The following ARHGAP26 variants were observed in gnomAD, a reference collection of about 807,000 sequenced individuals.
ARHGAP26 encodes rho GTPase-activating protein 26.
ARHGAP26 carries 38 observed loss-of-function variants against 104.8 expected under a neutral mutation model. That is an observed-to-expected ratio of 0.36 (90% CI 0.28 to 0.48). ARHGAP26 has a LOEUF of 0.48. Ranked by LOEUF, ARHGAP26 falls within the 20% of genes least tolerant of loss-of-function variation. The probability of loss-of-function intolerance (pLI) is 0.99; values close to 1 mark genes in which losing one functional copy is unlikely to be tolerated. For missense variants in ARHGAP26, 704 were observed against 947.9 expected, an observed-to-expected ratio of 0.74 and a Z score of 3.38; for synonymous variants, 341 against 340.0, an observed-to-expected ratio of 1.00 and a Z score of -0.03.
chr5:142,996,892 A>G (rs1391499835), intron 11 of ARHGAP26, among the ~76,000 whole-genome samples: 1 of 152,170 alleles, frequency 6.6e-6, no homozygotes, highest in Non-Finnish European at 1.5e-5. Context: ...AAAGAGGTCC[A>G]AGGAGGAGCT....
At chr5:143,190,674 C>A (rs1280764690) in intron 20 of ARHGAP26, among the ~76,000 whole-genome samples, 1 of 152,046 alleles carries the variant, frequency 6.6e-6, no homozygotes, top group Non-Finnish European at 1.5e-5. Context: ...TTGAACTTGA[C>A]CAAAATTAAA....
At chr5:143,180,754 G>A (rs1302383201) in intron 20 of ARHGAP26, among the ~76,000 whole-genome samples, 3 of 152,238 alleles carry the variant, frequency 2.0e-5, no homozygotes, top group Admixed American at 1.3e-4. Context: ...CCTCCCACCA[G>A]TCTCTCCCTA....
chr5:143,096,312 G>A (rs554787358), intron 17 of ARHGAP26, among the ~76,000 whole-genome samples: 1 of 152,270 alleles, frequency 6.6e-6, no homozygotes, highest in Admixed American at 6.5e-5. Context: ...TCATGCTCGT[G>A]GTGCAGATCC....
At chr5:143,006,476 G>T (rs1179652801) in intron 11 of ARHGAP26, among the ~76,000 whole-genome samples, 1 of 152,024 alleles carries the variant, frequency 6.6e-6, no homozygotes, top group Admixed American at 6.6e-5. Flanking sequence ...TTCAGGAATC[G>T]GTCTTTGGGA....
At chr5:142,794,093 C>T (rs1173868817) in intron 1 of ARHGAP26, among the ~76,000 whole-genome samples, 1 of 152,222 alleles carries the variant, frequency 6.6e-6, no homozygotes, top group Non-Finnish European at 1.5e-5. Flanking sequence ...TCAGCAGGCC[C>T]TGGTCTCTGC....
intron 17 of ARHGAP26, among the ~76,000 whole-genome samples, chr5:143,065,977 C>A (rs1787419687): frequency 1.3e-5 from 2 of 152,150 alleles, no homozygotes; most frequent in Admixed American, 1.3e-4. Context: ...CTCTTCTCCG[C>A]CTCATTCCCC....
rs73799021 is a variant in ARHGAP26 at position 142,883,210 on chromosome 5, C to G, written c.385-2088C>G. On this transcript the variant is annotated intron_variant, in intron 4 of 22. Coordinates refer to ENST00000645722, the MANE Select transcript of ARHGAP26 (RefSeq NM_001135608.3). ...CCCAGAATGCCAGTGACTCATGTTC[C>G]CTGGCCTTTTCTCACCTCTGGCCAG... is the stretch of plus-strand genomic sequence containing the variant. 1.9e-3 allele frequency among the ~76,000 whole-genome samples: 284 copies of G among 152,264 alleles called. 2 individuals are homozygous for G. Among genetic ancestry groups the G allele is most frequent in the African/African-American group, 6.3e-3 (261 of 41,536 alleles).
intron 11 of ARHGAP26, among the ~76,000 whole-genome samples, chr5:142,952,875 A>T (rs949802791): frequency 4.6e-5 from 7 of 151,804 alleles, no homozygotes; most frequent in African/African-American, 1.7e-4. Context: ...CACCTGGCTA[A>T]TTTTTTTGTA....
At chr5:143,080,591 C>T (rs1050600556) in intron 17 of ARHGAP26, among the ~76,000 whole-genome samples, 2 of 152,228 alleles carry the variant, frequency 1.3e-5, no homozygotes, top group African/African-American at 4.8e-5. Flanking sequence ...CTGGGAAAGG[C>T]ACCTGCTTGG....
At chr5:142,841,857 A>G (rs535655023) in intron 1 of ARHGAP26, among the ~76,000 whole-genome samples, 1 of 152,330 alleles carries the variant, frequency 6.6e-6, no homozygotes, top group Admixed American at 6.5e-5. Context: ...TTGTTTTCAG[A>G]GGGAGGTCCT....
chr5:142,836,323 C>T (rs1458293653), intron 1 of ARHGAP26, among the ~76,000 whole-genome samples: 1 of 152,154 alleles, frequency 6.6e-6, no homozygotes, highest in African/African-American at 2.4e-5. Flanking sequence ...CTTTTTTCCC[C>T]GGTGATGAAC....
chr5:142,994,508 A>T (rs777458776), intron 11 of ARHGAP26, among the ~76,000 whole-genome samples: 1 of 152,166 alleles, frequency 6.6e-6, no homozygotes, highest in Non-Finnish European at 1.5e-5. Context: ...CATGAAGGGT[A>T]TGCAGTTTTT....
intron 17 of ARHGAP26, among the ~76,000 whole-genome samples, chr5:143,093,623 C>CCT (rs563152506): frequency 1.3e-5 from 2 of 151,116 alleles, no homozygotes; most frequent in Admixed American, 6.6e-5. Context: ...TTTGTCTCCT[C>CCT]CTCTCTCTCT....
intron 1 of ARHGAP26, among the ~76,000 whole-genome samples, chr5:142,779,274 G>C (rs1757001218): frequency 6.6e-6 from 1 of 152,204 alleles, no homozygotes; most frequent in Non-Finnish European, 1.5e-5. Flanking sequence ...AAGGAAAACA[G>C]CTTGGCAGTG....
intron 1 of ARHGAP26, among the ~76,000 whole-genome samples, chr5:142,788,674 G>A (rs369508665): frequency 2.6e-5 from 4 of 152,300 alleles, no homozygotes; most frequent in South Asian, 2.1e-4. Flanking sequence ...GGTATTATAA[G>A]TAATCTTGAG....
chr5:142,862,903 G>A (rs1200348750), intron 1 of ARHGAP26, among the ~76,000 whole-genome samples: 2 of 152,126 alleles, frequency 1.3e-5, no homozygotes, highest in African/African-American at 4.8e-5. Flanking sequence ...TAGTTGCTAT[G>A]GTTATTTGCT....
rs180738854 is a variant in ARHGAP26 at position 143,104,382 on chromosome 5, G to A, written c.1539-16606G>A. Among the ~76,000 whole-genome samples the A allele has an allele frequency of 2.3e-3, 354 of 152,034 alleles. 1 individual carries two copies. Among genetic ancestry groups the A allele is most frequent in the Non-Finnish European group, 2.8e-3 (191 of 67,952 alleles). Reference sequence around the variant, plus strand: ...AAAATTACCCTGCAGGTAGTGGCACGCACCTGTAATCCCAGCTACCTGGGA... The same window carrying A: ...AAAATTACCCTGCAGGTAGTGGCACACACCTGTAATCCCAGCTACCTGGGA... On this transcript the variant is annotated intron_variant, in intron 17 of 22. Coordinates refer to ENST00000645722, the MANE Select transcript of ARHGAP26 (RefSeq NM_001135608.3).
chr5:142,969,521 C>T (rs562565700), intron 11 of ARHGAP26: 5 of 152,302 alleles, frequency 3.3e-5, no homozygotes, highest in Admixed American at 3.3e-4. Context: ...TTTATGTTGG[C>T]CTGTTCTTTA....
chr5:143,170,515 C>T (rs1005366235), intron 20 of ARHGAP26: 1 of 152,186 alleles, frequency 6.6e-6, no homozygotes, highest in Admixed American at 6.5e-5. Flanking sequence ...ATCCTGAGAA[C>T]AAATTTTGTT....
Sources: gnomAD v4.1 joint callset for allele counts (sites outside exome capture counted in the v4.1 genomes callset) on GRCh38, gnomAD v4.1.1 for gene constraint, MANE v1.5 for transcripts, NCBI Gene and HGNC (gene_info 2026-07-23, HGNC 2026-07-21) for gene names.